Variants in OPHN1 observed in about 807,000 individuals in gnomAD.
The protein encoded by OPHN1 is oligophrenin 1.
OPHN1 carries 11 observed loss-of-function variants against 60.7 expected under a neutral mutation model. That is an observed-to-expected ratio of 0.18 (90% confidence interval 0.11 to 0.30). The LOEUF is 0.30. OPHN1 is among the 10% of genes least tolerant of loss of function. OPHN1 has a pLI of 1.00. For missense variants in OPHN1, 449 were observed against 611.0 expected (o/e 0.73, Z 2.80); for synonymous variants, 226 against 222.6 (o/e 1.02, Z -0.14).
At chrX:68,259,943 G>A (rs997447080) in intron 5 of OPHN1, among the ~76,000 whole-genome samples, 2 of 111,914 alleles carry the variant, frequency 1.8e-5, no homozygotes, top group Non-Finnish European at 3.8e-5. Context: ...AAGAAACACG[G>A]ATTGCTGGTG....
At chrX:68,159,827 A>C (rs1167602228) in intron 15 of OPHN1, among the ~76,000 whole-genome samples, 1 of 111,173 alleles carries the variant, frequency 9.0e-6, no homozygotes, top group Non-Finnish European at 1.9e-5. Context: ...TTACAACAAA[A>C]AATTTCCATT....
chrX:68,354,452 C>CAAA (rs1172935913), intron 2 of OPHN1, among the ~76,000 whole-genome samples: 1 of 24,831 alleles, frequency 4.0e-5, no homozygotes, highest in Non-Finnish European at 7.2e-5. Flanking sequence ...GACTCCATCT[C>CAAA]AAAAAAAAAA....
intron 24 of OPHN1, 29 bp from the exon 25 acceptor site, chrX:68,047,192 T>C (rs1050337586): frequency 9.0e-6 from 1 of 111,654 alleles, no homozygotes; most frequent in Non-Finnish European, 1.9e-5. Flanking sequence ...AGTAGGGAAT[T>C]AGCGAGGACT....
intron 15 of OPHN1, among the ~76,000 whole-genome samples, chrX:68,187,016 T>C (rs947583308): frequency 8.9e-6 from 1 of 111,880 alleles, no homozygotes; most frequent in Non-Finnish European, 1.9e-5. Context: ...CTGCTCCTTT[T>C]GAGGAAGTAA....
chrX:68,432,869 C>T lies in OPHN1; in HGVS notation c.152G>A (p.Arg51Lys), dbSNP rs374573197. 1.7e-6 allele frequency: 2 copies of T among 1,210,532 alleles called. No homozygotes were observed. The highest frequency in any genetic ancestry group is 2.2e-5 in the Admixed American group (1 of 45,873). ...KDGNALISAM[R>K]NYSSAVQKFS... ...GCTCATCGAAGCCTTGCACTTACTT[C>T]TCATAGCGCTGATAAGCGCGTTGCC... Residue 51 changes from arginine to lysine, a missense_variant and splice_region_variant, in exon 2 of 25, where the codon AGA becomes AAA. This residue lies in a region of OPHN1 where 99 missense variants were observed against 155.2 expected (regional missense o/e 0.64). Transcript: ENST00000355520.
At chrX:68,345,682 C>T (rs1403437513) in intron 2 of OPHN1, among the ~76,000 whole-genome samples, 1 of 111,333 alleles carries the variant, frequency 9.0e-6, no homozygotes, top group African/African-American at 3.3e-5. Flanking sequence ...ACGGCAAAAC[C>T]CCTTCTCTAC....
chrX:68,107,679 T>C (rs2147422732), intron 18 of OPHN1, among the ~76,000 whole-genome samples: 1 of 110,918 alleles, frequency 9.0e-6, no homozygotes, highest in South Asian at 3.9e-4. Context: ...TTTCACCATG[T>C]TGGCCAGGCT....
In OPHN1 at chrX:68,068,714, T is replaced by C. The variant is rs924941249; in HGVS notation, c.1834+4438A>G. On this transcript the variant is annotated intron_variant, in intron 20 of 24. Transcript: ENST00000355520. Reference sequence around the variant, plus strand: ...TCAACTGATCAATGGATAAATAAAATGTGCTACATCTATACAAAGGAATAT... The same window carrying C: ...TCAACTGATCAATGGATAAATAAAACGTGCTACATCTATACAAAGGAATAT... 4.5e-5 allele frequency among the ~76,000 whole-genome samples: 5 copies of C among 111,750 alleles called. No individual in the cohort carries two copies. In the Admixed American group the frequency reaches 4.8e-4, roughly 11 times the overall value.
intron 2 of OPHN1, among the ~76,000 whole-genome samples, chrX:68,332,528 G>A (rs1295819654): frequency 8.9e-6 from 1 of 112,010 alleles, no homozygotes; most frequent in African/African-American, 3.2e-5. Flanking sequence ...TATACCACTT[G>A]GGTATTTAAT....
chrX:68,226,341 C>A (rs2077692353), intron 6 of OPHN1, among the ~76,000 whole-genome samples: 1 of 111,458 alleles, frequency 9.0e-6, no homozygotes, highest in South Asian at 3.8e-4. Context: ...CCCAATCTAG[C>A]AAGGCAGGCC....
At chrX:68,146,527 G>A (rs2077264383) in intron 15 of OPHN1, among the ~76,000 whole-genome samples, 1 of 112,259 alleles carries the variant, frequency 8.9e-6, no homozygotes, top group Admixed American at 9.4e-5. Flanking sequence ...GAGTTAATTT[G>A]TATACTCTGG....
At chrX:68,330,822 TATA>T (rs1317128417) in intron 2 of OPHN1, among the ~76,000 whole-genome samples, 1 of 108,180 alleles carries the variant, frequency 9.2e-6, no homozygotes, top group Non-Finnish European at 1.9e-5. Flanking sequence ...TATATCTCTA[TATA>T]ATATTCATAG....
intron 2 of OPHN1, among the ~76,000 whole-genome samples, chrX:68,343,405 A>G (rs1400902852): frequency 9.1e-6 from 1 of 110,250 alleles, no homozygotes; most frequent in African/African-American, 3.3e-5. Flanking sequence ...CAACATGGTG[A>G]AACACCGTCT....
intron 3 of OPHN1, 128 bp downstream of exon 3, chrX:68,298,860 TCCTAATCAACCTC>T (rs922801747): frequency 5.0e-6 from 2 of 398,835 alleles, no homozygotes; most frequent in African/African-American, 5.0e-5. Context: ...TCCTGATCCT[TCCTAATCAACCTC>T]CCAGGGCCTT....
intron 15 of OPHN1, among the ~76,000 whole-genome samples, chrX:68,137,549 T>G (rs987500527): frequency 4.5e-5 from 5 of 111,528 alleles, no homozygotes; most frequent in African/African-American, 1.6e-4. Context: ...CTAAGCACAT[T>G]CCATCTAAAC....
intron 2 of OPHN1, among the ~76,000 whole-genome samples, chrX:68,323,443 C>T (rs1434443935): frequency 1.8e-5 from 2 of 111,716 alleles, no homozygotes; most frequent in African/African-American, 3.3e-5. Flanking sequence ...CCCCTACACA[C>T]ACACACTATG....
chrX:68,183,390 C>T, intron 15 of OPHN1, among the ~76,000 whole-genome samples: 1 of 111,932 alleles, frequency 8.9e-6, no homozygotes, highest in Middle Eastern at 4.6e-3. Flanking sequence ...TACAGGAAAG[C>T]TCTCTGCCCT....
chrX:68,280,049 T>G (rs1236610419), intron 4 of OPHN1, among the ~76,000 whole-genome samples: 4 of 111,695 alleles, frequency 3.6e-5, no homozygotes, highest in African/African-American at 6.5e-5. Context: ...TAGGCAGCAG[T>G]CCACAAACCC....
chrX:68,141,904 TAAAGAAAGAAAGAAAG>T (rs199937682), intron 15 of OPHN1, among the ~76,000 whole-genome samples: 12,471 of 90,148 alleles, frequency 0.14, 787 homozygotes, highest in South Asian at 0.21. Context: ...TGATGTTAAT[TAAAGAAAGAAAGAAAG>T]AAAGAAAGAA....
Sources: allele counts gnomAD v4.1 joint callset (sites outside exome capture counted in the v4.1 genomes callset), GRCh38; gene constraint gnomAD v4.1.1; regional missense constraint gnomAD v4.1.1; transcripts MANE v1.5; gene names NCBI Gene and HGNC (gene_info 2026-07-23, HGNC 2026-07-21).